Variants in SUMF1 observed in about 807,000 individuals in gnomAD.
SUMF1 encodes the protein formylglycine-generating enzyme.
SUMF1 carries 48 observed loss-of-function variants against 47.6 expected under a neutral mutation model. That is an observed-to-expected ratio of 1.01 (90% CI 0.80 to 1.28). SUMF1 has a LOEUF of 1.28. Ranked by LOEUF, SUMF1 falls within the 50% of genes most tolerant of loss-of-function variation. SUMF1 has a pLI of 0.00. For missense variants in SUMF1, 571 were observed against 485.4 expected (o/e 1.18, Z -1.66); for synonymous variants, 230 against 192.1 (o/e 1.20, Z -1.63).
intron 8 of SUMF1, among the ~76,000 whole-genome samples, chr3:4,279,375 A>C (rs563363013): frequency 6.6e-6 from 1 of 152,302 alleles, no homozygotes; most frequent in South Asian, 2.1e-4. Context: ...TTACTAGCTA[A>C]AAGAATGAAA....
intron 8 of SUMF1, among the ~76,000 whole-genome samples, chr3:4,210,716 G>A (rs1695760879): frequency 6.6e-6 from 1 of 152,108 alleles, no homozygotes; most frequent in African/African-American, 2.4e-5. Context: ...ATCACCCCAT[G>A]TGATGGTTAA....
intron 8 of SUMF1, among the ~76,000 whole-genome samples, chr3:4,071,576 C>T (rs903912989): frequency 2.0e-5 from 3 of 152,182 alleles, no homozygotes; most frequent in Non-Finnish European, 2.9e-5. Context: ...TCACTGCTAG[C>T]GCAGGAGTCT....
chr3:4,081,940 T>C (rs550981740), intron 8 of SUMF1, among the ~76,000 whole-genome samples: 1 of 152,254 alleles, frequency 6.6e-6, no homozygotes, highest in East Asian at 1.9e-4. Flanking sequence ...GTTGAACACA[T>C]ACTGAAAGCC....
intron 8 of SUMF1, among the ~76,000 whole-genome samples, chr3:4,309,229 TAAAG>T (rs915230760): frequency 5.3e-5 from 8 of 152,112 alleles, no homozygotes; most frequent in African/African-American, 1.9e-4. Flanking sequence ...TTATCAGACT[TAAAG>T]AGTCTGTTCT....
rs1491187394 is a variant in SUMF1 at position 4,457,018 on chromosome 3, A to ATATATATACGTGTGTGTG, written c.271-3970_271-3969insCACACACACGTATATATA. On this transcript the variant is annotated intron_variant, in intron 1 of 8. Transcript: ENST00000272902. ...TGTGTGTATATATATACGTGTGTGT[A>ATATATATACGTGTGTGTG]CATATATATACGTGTGTGTGTATAT... is the stretch of plus-strand genomic sequence containing the variant. Among the ~76,000 whole-genome samples the ATATATATACGTGTGTGTG allele has an allele frequency of 6.8e-5, 9 of 131,930 alleles. 1 individual carries two copies. The Admixed American group carries it at 7.2e-4, about 11-fold the overall frequency. The allele number at this position is 131,930 out of a possible 152,430, so 86.6% of individuals were successfully genotyped here. A position where few individuals can be genotyped will look rare whatever the true frequency, so the allele number is the denominator to read the frequency against.
At chr3:4,352,096 C>A (rs1196532067) in intron 8 of SUMF1, among the ~76,000 whole-genome samples, 1 of 152,016 alleles carries the variant, frequency 6.6e-6, no homozygotes, top group Non-Finnish European at 1.5e-5. Flanking sequence ...TATCCCTTGC[C>A]CCAGTAATCT....
intron 8 of SUMF1, among the ~76,000 whole-genome samples, chr3:4,093,028 G>T (rs555526811): frequency 6.6e-6 from 1 of 152,230 alleles, no homozygotes; most frequent in Non-Finnish European, 1.5e-5. Context: ...GTGCTTAAAA[G>T]TAAGAGCTCT....
In SUMF1 at chr3:4,245,116, G is replaced by A. The variant is rs560425512; in HGVS notation, c.1014+131214C>T. The stretch of plus-strand genomic sequence containing the variant: ...GTCATTCAAGCTCTTCTCTACACTG[G>A]TTATTCTAGCTAGCCATTCATCTAA... On this transcript the variant is annotated intron_variant and NMD_transcript_variant, in intron 8 of 12. Transcript: ENST00000448413. 2.5e-4 allele frequency among the ~76,000 whole-genome samples: 38 copies of A among 151,934 alleles called. 1 individual carries two copies. The South Asian group carries it at 4.0e-3, about 16-fold the overall frequency.
chr3:4,184,492 C>T lies in SUMF1; in HGVS notation c.1015-115747G>A, dbSNP rs543598569. The stretch of plus-strand genomic sequence containing the variant: ...AAAGAAAAAAAGAAAGAAAAAAATG[C>T]AAAAGAGTCGATTCTTACACTGAGT... On this transcript the variant is annotated intron_variant and NMD_transcript_variant, in intron 8 of 12. Coordinates refer to the SUMF1 transcript ENST00000448413. Among the ~76,000 whole-genome samples the T allele has an allele frequency of 2.6e-5, 4 of 151,842 alleles. No homozygotes were observed. In the South Asian group the frequency reaches 8.3e-4, roughly 32 times the overall value.
intron 7 of SUMF1, among the ~76,000 whole-genome samples, chr3:4,382,983 T>C (rs946767571): frequency 2.0e-5 from 3 of 151,922 alleles, no homozygotes; most frequent in African/African-American, 7.3e-5. Flanking sequence ...GACGGGTTGA[T>C]GGGTGCAGCA....
chr3:4,301,901 A>G (rs314438), intron 8 of SUMF1, among the ~76,000 whole-genome samples: 25,556 of 152,142 alleles, frequency 0.17, 2,520 homozygotes, highest in South Asian at 0.37. Flanking sequence ...ATTTGAAGCC[A>G]TGGGAGTGGA....
chr3:4,133,151 G>C (rs1693831925), intron 8 of SUMF1, among the ~76,000 whole-genome samples: 1 of 152,098 alleles, frequency 6.6e-6, no homozygotes, highest in South Asian at 2.1e-4. Context: ...AAACATGTTT[G>C]TGCATGTATA....
Position 4,435,334 on chromosome 3 carries a change from C to T in SUMF1, c.519+13932G>A, listed in dbSNP as rs370722520. Among the ~76,000 whole-genome samples the T allele has an allele frequency of 5.1e-4, 77 of 152,196 alleles. 1 individual carries two copies. The South Asian group carries it at 0.015, about 30-fold the overall frequency. ...GAAAATAGGGAACCTGAAGACATAT[C>T]AACAGAAGGTACACAATCTGAAGAA... On this transcript the variant is annotated intron_variant, in intron 3 of 8. Transcript: ENST00000272902.
At chr3:4,383,025 A>C (rs975537208) in intron 7 of SUMF1, among the ~76,000 whole-genome samples, 1 of 152,230 alleles carries the variant, frequency 6.6e-6, no homozygotes, top group Middle Eastern at 3.4e-3. Context: ...CCTAAGTAAC[A>C]AACCTGCACA....
chr3:4,254,821 C>A (rs1418624662), intron 8 of SUMF1, among the ~76,000 whole-genome samples: 1 of 151,050 alleles, frequency 6.6e-6, no homozygotes, highest in Non-Finnish European at 1.5e-5. Context: ...GTCAGATTCA[C>A]CAAAGTTGAA....
intron 8 of SUMF1, among the ~76,000 whole-genome samples, chr3:4,131,344 C>G (rs1325869360): frequency 2.0e-5 from 3 of 152,182 alleles, no homozygotes; most frequent in Non-Finnish European, 4.4e-5. Context: ...CCCCAGCCTG[C>G]ACCAATGGCC....
Position 4,414,294 on chromosome 3 carries a change from G to A in SUMF1, c.840+2834C>T, listed in dbSNP as rs968861239. Among the ~76,000 whole-genome samples the A allele has an allele frequency of 7.9e-5, 12 of 152,052 alleles. 1 individual carries two copies. Among genetic ancestry groups the A allele is most frequent in the Non-Finnish European group, 2.9e-5 (2 of 68,012 alleles). On this transcript the variant is annotated intron_variant, in intron 6 of 8. Transcript: ENST00000272902. The stretch of plus-strand genomic sequence containing the variant: ...TGCAGTAAGCTGTGATCATGCCACT[G>A]CACTCCAGCCTGGGCAACAGAGCAG...
At chr3:4,460,599 A>AGTGTGTGT (rs144375913) in intron 1 of SUMF1, among the ~76,000 whole-genome samples, 18 of 143,604 alleles carry the variant, frequency 1.3e-4, no homozygotes, top group Non-Finnish European at 1.4e-4. Flanking sequence ...TCACACACAC[A>AGTGTGTGT]GTGTGTGTGT....
At chr3:4,056,572 C>T (rs879354367) in intron 9 of SUMF1, among the ~76,000 whole-genome samples, 3 of 151,802 alleles carry the variant, frequency 2.0e-5, no homozygotes, top group South Asian at 2.1e-4. Flanking sequence ...GTGGGAGGAT[C>T]GCTTGAGCCT....
Sources: gnomAD v4.1 joint callset for allele counts (sites outside exome capture counted in the v4.1 genomes callset) on GRCh38, gnomAD v4.1.1 for gene constraint, MANE v1.5 for transcripts, NCBI Gene and HGNC (gene_info 2026-07-23, HGNC 2026-07-21) for gene names.